Variants in ADGRA2 observed in about 807,000 individuals in gnomAD.
ADGRA2 encodes adhesion G protein-coupled receptor A2.
In ADGRA2, 61 loss-of-function variants were observed where a neutral mutation model predicts 98.7. The ratio of observed to expected loss-of-function variants is 0.62; its 90% CI spans 0.50 to 0.76. The LOEUF (loss-of-function observed/expected upper bound fraction) is 0.76, where lower values mean the gene tolerates loss of function less well. Ranked by LOEUF, ADGRA2 falls within the 30% of genes least tolerant of loss-of-function variation. ADGRA2 has a pLI of 0.00. For synonymous variants in ADGRA2, 858 were observed against 831.5 expected (o/e 1.03, Z -0.55); for missense variants, 1,712 against 1,860.0 (o/e 0.92, Z 1.46).
chr8:37,830,745 C>A lies in ADGRA2; in HGVS notation c.754C>A (p.Pro252Thr). 1 of 1,606,198 alleles carries A rather than the reference C, an allele frequency of 6.2e-7. No homozygotes were observed. Among genetic ancestry groups the A allele is most frequent in the Admixed American group, 1.7e-5 (1 of 59,288 alleles). ...GGAGCTGCACACACACCACCTCATC[C>A]CGTCCCTACGCCAAGTGGTGTTCCA... is the stretch of plus-strand genomic sequence containing the variant. ...ALELHTHHLI[P>T]SLRQVVFQGD... Residue 252 changes from proline (P) to threonine (T), a missense_variant, in exon 7 of 19, where the codon CCG (proline) becomes ACG (threonine). Coordinates refer to ENST00000412232, the MANE Select transcript of ADGRA2 (RefSeq NM_032777.10). The surrounding 1 kb of genome is among the most constrained non-coding windows in gnomAD (Gnocchi z 4.8).
intron 2 of ADGRA2, among the ~76,000 whole-genome samples, chr8:37,825,252 AT>A (rs981883102): frequency 8.7e-5 from 13 of 149,840 alleles, no homozygotes; most frequent in Admixed American, 2.0e-4. Flanking sequence ...GACTTCTGTC[AT>A]TTTTTTTTTA....
At chr8:37,812,662 G>C (rs1294617794) in intron 1 of ADGRA2, among the ~76,000 whole-genome samples, 1 of 145,438 alleles carries the variant, frequency 6.9e-6, no homozygotes, top group Non-Finnish European at 1.5e-5. Context: ...GGATTTGGGA[G>C]TTGCAGAATT....
intron 2 of ADGRA2, among the ~76,000 whole-genome samples, chr8:37,815,667 TCTC>T (rs1804959783): frequency 6.6e-6 from 1 of 152,266 alleles, no homozygotes; most frequent in Admixed American, 6.5e-5. Context: ...AGCCCTGCCC[TCTC>T]CTCATGGGGA....
chr8:37,833,787 G>A lies in ADGRA2; in HGVS notation c.1396G>A (p.Val466Met). The A allele has an allele frequency of 3.7e-6, 6 of 1,614,210 alleles. No homozygotes were observed. Among genetic ancestry groups the A allele is most frequent in the Non-Finnish European group, 5.1e-6 (6 of 1,180,016 alleles). ...SFSDMMDVVY[V>M]AQMIQKFLGY... The stretch of plus-strand genomic sequence containing the variant: ...TTCAGACATGATGGATGTAGTCTAT[G>A]TGGCTCAGATGATCCAGAAATTTTT... Residue 466 changes from valine (V) to methionine (M), a missense_variant, in exon 10 of 19, where the codon GTG (valine) becomes ATG (methionine). Coordinates refer to ENST00000412232, the MANE Select transcript of ADGRA2 (RefSeq NM_032777.10).
rs756600178 is a variant in ADGRA2, at chr8:37,833,055, G to A, written c.1143G>A (p.Leu381=). 1.9e-6 allele frequency: 3 copies of A among 1,613,472 alleles called. No homozygotes were observed. Among genetic ancestry groups the A allele is most frequent in the Middle Eastern group, 1.7e-4 (1 of 5,966 alleles). Residue 381 remains leucine (L), a synonymous_variant, in exon 9 of 19, where the codon CTG becomes CTA. Coordinates refer to ENST00000412232, the MANE Select transcript of ADGRA2 (RefSeq NM_032777.10). The part of the protein sequence containing the change: ...LAGITAYQSC[L]QYPFTSVPLG... Reference sequence around the variant, plus strand: ...GCATCACAGCCTACCAGTCCTGCCTGCAGTATCCCTTCACCTCAGTGCCCC... The same window carrying A: ...GCATCACAGCCTACCAGTCCTGCCTACAGTATCCCTTCACCTCAGTGCCCC...
intron 1 of ADGRA2, among the ~76,000 whole-genome samples, chr8:37,808,192 C>T (rs1185985036): frequency 6.6e-6 from 1 of 152,222 alleles, no homozygotes; most frequent in Admixed American, 6.5e-5. Flanking sequence ...ACTCCAGGGA[C>T]TGGCCCTCCT....
At position 37,844,321 on chromosome 8, in the gene ADGRA2, C is replaced by A. The variant is rs766235754; in HGVS notation, c.*1966C>A. 1.5e-5 allele frequency: 12 copies of A among 776,694 alleles called. No homozygotes were observed. Among genetic ancestry groups the A allele is most frequent in the Non-Finnish European group, 2.3e-5 (11 of 480,898 alleles). 48.1% of individuals were successfully genotyped at this position (776,694 alleles called of 1,614,324 possible). A position where few individuals can be genotyped will look rare whatever the true frequency, so the allele number is the denominator to read the frequency against. ...TCTCCTACCTATAGTCATCCCTGCA[C>A]TCCTGACTTTACTCCAGGACCCAGG... is the stretch of plus-strand genomic sequence containing the variant. On this transcript the variant is annotated 3_prime_UTR_variant, in exon 19 of 19. Coordinates refer to ENST00000412232, the MANE Select transcript of ADGRA2 (RefSeq NM_032777.10).
chr8:37,814,904 G>A lies in ADGRA2; in HGVS notation c.275G>A (p.Ser92Asn), dbSNP rs762333404. ...CCTCTCTGTCTCTTCAGGCTCTTGA[G>A]CAATAACAAGATCACGGGGCTCCGC... Reference protein sequence around the residue: ...LPNGTVTLLLSNNKITGLRNG... With the variant: ...LPNGTVTLLLNNNKITGLRNG... Residue 92 changes from serine (S) to asparagine (N), a missense_variant, in exon 2 of 19, where the codon AGC becomes AAC. Ser to Asn is a conservative substitution (Grantham distance 46). Transcript: ENST00000412232. This position sits in a 1 kb window ranked among gnomAD's most constrained non-coding sequence, Gnocchi z 4.3. The A allele has an allele frequency of 1.9e-6, 3 of 1,611,564 alleles. No individual in the cohort carries two copies. Among genetic ancestry groups the A allele is most frequent in the Non-Finnish European group, 2.5e-6 (3 of 1,177,634 alleles).
chr8:37,843,968 G>A lies in ADGRA2; in HGVS notation c.*1613G>A, dbSNP rs1805897223. ...ATATTAAAATTTTGCAAAGCCCTTT[G>A]AGCTACTGCCTTAGTCTACCCACTG... On this transcript the variant is annotated 3_prime_UTR_variant, in exon 19 of 19. Coordinates refer to ENST00000412232, the MANE Select transcript of ADGRA2 (RefSeq NM_032777.10). 6.5e-6 allele frequency: 1 copy of A among 153,746 alleles called. No individual in the cohort carries two copies. Among genetic ancestry groups the A allele is most frequent in the Admixed American group, 6.5e-5 (1 of 15,458 alleles). 9.5% of individuals were successfully genotyped at this position (153,746 alleles called of 1,614,324 possible).
At position 37,834,087 on chromosome 8, in the gene ADGRA2, G is replaced by T; in HGVS notation, c.1567G>T (p.Gly523Trp). The T allele has an allele frequency of 6.2e-7, 1 of 1,612,224 alleles. No individual in the cohort carries two copies. Among genetic ancestry groups the T allele is most frequent in the Non-Finnish European group, 8.5e-7 (1 of 1,179,598 alleles). The change falls in exon 11 of 19, where the codon GGG becomes TGG. Residue 523 changes from glycine (G) to tryptophan (W), a missense_variant. Physicochemically the swap from Gly to Trp is radical, Grantham distance 184. Coordinates refer to ENST00000412232, the MANE Select transcript of ADGRA2 (RefSeq NM_032777.10). The surrounding 1 kb of genome is among the most constrained non-coding windows in gnomAD (Gnocchi z 4.2). ...SRIVGALERI[G>W]GAALSPHAQH... ...CATCGTGGGTGCCCTGGAGCGCATT[G>T]GGGGGGCCGCCCTCAGCCCCCATGC...
At chr8:37,815,229 C>G (rs891098671) in intron 2 of ADGRA2, among the ~76,000 whole-genome samples, 1 of 152,246 alleles carries the variant, frequency 6.6e-6, no homozygotes, top group South Asian at 2.1e-4. Context: ...AGCTCATTAA[C>G]GCTCTTTAAT....
chr8:37,821,664 T>G (rs1345994628), intron 2 of ADGRA2, among the ~76,000 whole-genome samples: 1 of 152,190 alleles, frequency 6.6e-6, no homozygotes, highest in East Asian at 1.9e-4. Flanking sequence ...TGCCAGCACA[T>G]GGGTCTGTGT....
rs369840363 is a variant in ADGRA2, at chr8:37,841,367, A to T, written c.3029A>T (p.Asp1010Val). 27 of 1,608,742 alleles carry T rather than the reference A, an allele frequency of 1.7e-5. No individual in the cohort carries two copies. The highest frequency in any genetic ancestry group is 2.0e-5 in the Non-Finnish European group (24 of 1,178,126). Reference sequence around the variant, plus strand: ...ACGCCCGGGCCCCCGGAGGATGGTGACAGCCTCTATTCTCCGGGAGTCCAG... The same window carrying T: ...ACGCCCGGGCCCCCGGAGGATGGTGTCAGCCTCTATTCTCCGGGAGTCCAG... ...VGTPGPPEDG[D>V]SLYSPGVQLG... is the part of the protein sequence containing the mutation. The change falls in exon 19 of 19, where the codon GAC becomes GTC. Residue 1010 changes from aspartate (D) to valine (V), a missense_variant. Coordinates refer to ENST00000412232, the MANE Select transcript of ADGRA2 (RefSeq NM_032777.10). The surrounding 1 kb of genome is among the most constrained non-coding windows in gnomAD (Gnocchi z 5.0).
chr8:37,825,527 G>T (rs1805253499), intron 2 of ADGRA2, among the ~76,000 whole-genome samples: 1 of 151,946 alleles, frequency 6.6e-6, no homozygotes, highest in African/African-American at 2.4e-5. Flanking sequence ...GGGATTACAG[G>T]TGTGAGCCAC....
At chr8:37,836,271 C>T (rs989209247) in intron 13 of ADGRA2, among the ~76,000 whole-genome samples, 1 of 152,202 alleles carries the variant, frequency 6.6e-6, no homozygotes, top group African/African-American at 2.4e-5. Context: ...AGGTTCCAGG[C>T]AGCTGCTGCA....
chr8:37,825,437 C>CG (rs1266745145), intron 2 of ADGRA2, among the ~76,000 whole-genome samples: 1 of 148,760 alleles, frequency 6.7e-6, no homozygotes, highest in Non-Finnish European at 1.5e-5. Flanking sequence ...TTAGTAGAGA[C>CG]GGGGTTTCAC....
chr8:37,837,930 C>T lies in ADGRA2; in HGVS notation c.2250C>T (p.Ala750=), dbSNP rs751857315. The T allele has an allele frequency of 2.0e-5, 29 of 1,458,536 alleles. No individual in the cohort carries two copies. The highest frequency in any genetic ancestry group is 5.7e-5 in the African/African-American group (4 of 70,166). 90.3% of individuals were successfully genotyped at this position (1,458,536 alleles called of 1,614,324 possible). ...ACTGCCAGCACTTGGGCAATGTGGC[C>T]GTGCTCATGGTGGGTGTGAGGAGGG... is the stretch of plus-strand genomic sequence containing the variant. ...ALHCQHLGNV[A]VLMELSAFPR... Residue 750 remains alanine, a synonymous_variant, in exon 14 of 19, where the codon GCC becomes GCT. Transcript: ENST00000412232.
chr8:37,842,012 G>A lies in ADGRA2; in HGVS notation c.3674G>A (p.Ser1225Asn), dbSNP rs1319195719. The change falls in exon 19 of 19, where the codon AGC (serine) becomes AAC (asparagine). Residue 1225 changes from serine (S) to asparagine (N), a missense_variant. Physicochemically the swap from Ser to Asn is conservative, Grantham distance 46. Transcript: ENST00000412232. ...LSSESGSLHN[S>N]PTDSYLGSSR... ...AGCGAGAGCGGCAGTCTGCACAACA[G>A]CCCCACCGACAGCTACCTGGGCAGC... 1 of 1,519,026 alleles carries A rather than the reference G, an allele frequency of 6.6e-7. No homozygotes were observed. The highest frequency in any genetic ancestry group is 8.8e-7 in the Non-Finnish European group (1 of 1,140,756). The allele number at this position is 1,519,026 out of a possible 1,614,324, so 94.1% of individuals were successfully genotyped here.
intron 2 of ADGRA2, 38 bp from the exon 3 acceptor site, chr8:37,828,850 G>A (rs370777523): frequency 2.1e-5 from 32 of 1,550,362 alleles, no homozygotes; most frequent in African/African-American, 5.5e-5. Context: ...CGGCTCCAGC[G>A]GGGAGAGGTG....
Sources: gnomAD v4.1 joint callset for allele counts (sites outside exome capture counted in the v4.1 genomes callset) on GRCh38, gnomAD v4.1.1 for gene constraint, Gnocchi (gnomAD v3.1) non-coding constraint, MANE v1.5 for transcripts, NCBI Gene and HGNC (gene_info 2026-07-23, HGNC 2026-07-21) for gene names.